Variants in PAPLN observed in about 807,000 individuals in gnomAD.
PAPLN encodes the protein papilin, proteoglycan like sulfated glycoprotein.
A neutral mutation model predicts 159.0 loss-of-function variants in PAPLN; 146 were observed. The ratio of observed to expected loss-of-function variants is 0.92; its 90% CI spans 0.80 to 1.05. The LOEUF (loss-of-function observed/expected upper bound fraction) is 1.05. Among genes scored for constraint, PAPLN ranks in the 50% least tolerant of loss-of-function variants. PAPLN has a pLI of 0.00. For missense variants in PAPLN, 1,720 were observed against 1,743.9 expected (o/e 0.99, Z 0.24); for synonymous variants, 734 against 702.9 (o/e 1.04, Z -0.70).
At chr14:73,239,054 GC>G (rs1014083464) in intron 1 of PAPLN, among the ~76,000 whole-genome samples, 5 of 152,252 alleles carry the variant, frequency 3.3e-5, no homozygotes, top group South Asian at 2.1e-4. Context: ...ACATGGACCC[GC>G]CCCGCACACT....
Position 73,259,550 on chromosome 14 carries a change from G to A in PAPLN, c.1985+5G>A, listed in dbSNP as rs1228855061. ...GGCCCCCTGTCAGCAGAGCAGGTGG[G>A]TGCTGGAGACAGGTCTTCCTCCTCC... On this transcript the variant is annotated splice_donor_5th_base_variant and intron_variant, in intron 16 of 26. Coordinates refer to ENST00000644200, the MANE Select transcript of PAPLN (RefSeq NM_001365906.3). The A allele has an allele frequency of 1.3e-6, 2 of 1,531,554 alleles. No individual in the cohort carries two copies. The highest frequency in any genetic ancestry group is 1.8e-6 in the Non-Finnish European group (2 of 1,138,414). The allele number at this position is 1,531,554 out of a possible 1,614,324, so 94.9% of individuals were successfully genotyped here. A position where few individuals can be genotyped will look rare whatever the true frequency, so the allele number is the denominator to read the frequency against.
At chr14:73,264,444 C>G (rs1887001575) in intron 21 of PAPLN, 109 bp downstream of exon 21, 2 of 1,526,156 alleles carry the variant, frequency 1.3e-6, no homozygotes. Context: ...CCCAGGGTGT[C>G]TCTCTGAGTC....
intron 16 of PAPLN, 28 bp from the exon 17 acceptor site, chr14:73,260,681 A>C: frequency 7.0e-7 from 1 of 1,421,806 alleles, no homozygotes; most frequent in Non-Finnish European, 9.2e-7. Flanking sequence ...CAGGCTGGGC[A>C]GTGAGGGGCT....
intron 2 of PAPLN, chr14:73,243,709 T>C (rs74916401): frequency 0.16 from 24,635 of 152,276 alleles, 2,357 homozygotes; most frequent in South Asian, 0.28. Context: ...GGGTCCAATC[T>C]TTCTGGTGGG....
At chr14:73,249,057 G>A (rs945440099) in intron 5 of PAPLN, among the ~76,000 whole-genome samples, 5 of 152,164 alleles carry the variant, frequency 3.3e-5, no homozygotes, top group South Asian at 4.2e-4. Flanking sequence ...CTTGAGTCTC[G>A]GAGGTAGAGG....
chr14:73,247,267 T>C (rs1256181702), intron 5 of PAPLN, among the ~76,000 whole-genome samples: 1 of 152,204 alleles, frequency 6.6e-6, no homozygotes, highest in Non-Finnish European at 1.5e-5. Context: ...CATTAATTTT[T>C]AGAGAAATAC....
At position 73,239,892 on chromosome 14, in the gene PAPLN, G is replaced by A. The variant is rs1883351195; in HGVS notation, c.54+60G>A. ...CTGCAGGGGAGTCGGGGGCGGGGACGCGCGGGCCCGCAGGCAACGTCCCCA... is the reference window on the plus strand; with the variant it reads ...CTGCAGGGGAGTCGGGGGCGGGGACACGCGGGCCCGCAGGCAACGTCCCCA... On this transcript the variant is annotated intron_variant, in intron 2 of 26. Coordinates refer to ENST00000644200, the MANE Select transcript of PAPLN (RefSeq NM_001365906.3). 5 of 1,490,544 alleles carry A rather than the reference G, an allele frequency of 3.4e-6. No homozygotes were observed. In the African/African-American group the frequency reaches 4.3e-5, roughly 13 times the overall value. The allele number at this position is 1,490,544 out of a possible 1,614,324, so 92.3% of individuals were successfully genotyped here. A position where few individuals can be genotyped will look rare whatever the true frequency, so the allele number is the denominator to read the frequency against.
At position 73,259,240 on chromosome 14, in the gene PAPLN, A is replaced by G. The variant is rs763847288; in HGVS notation, c.1709-29A>G. The stretch of plus-strand genomic sequence containing the variant: ...TGGAGGGGAGGAGCCAGGTGGACGC[A>G]CTGTGTGTCTTTTGCTTCTTCTTTC... On this transcript the variant is annotated intron_variant, in intron 15 of 26. Coordinates refer to ENST00000644200, the MANE Select transcript of PAPLN (RefSeq NM_001365906.3). 38 of 1,533,734 alleles carry G rather than the reference A, an allele frequency of 2.5e-5. No individual in the cohort carries two copies. The South Asian group carries it at 4.6e-4, about 19-fold the overall frequency.
chr14:73,256,910 T>A (rs1292074746), intron 14 of PAPLN, among the ~76,000 whole-genome samples: 2 of 151,712 alleles, frequency 1.3e-5, no homozygotes, highest in Non-Finnish European at 2.9e-5. Flanking sequence ...AAAAAAAAAA[T>A]AATAAAATAA....
intron 5 of PAPLN, among the ~76,000 whole-genome samples, chr14:73,247,282 C>A (rs1359986397): frequency 6.6e-6 from 1 of 152,134 alleles, no homozygotes; most frequent in Admixed American, 6.5e-5. Flanking sequence ...AAATACAGTT[C>A]AGGGAAAAAA....
At chr14:73,238,768 G>A (rs3742825) in intron 1 of PAPLN, among the ~76,000 whole-genome samples, 33,985 of 152,204 alleles carry the variant, frequency 0.22, 3,994 homozygotes, top group East Asian at 0.43. Context: ...ACATTGTTCA[G>A]TATGCCAGGT....
rs977775639 is a variant in PAPLN at position 73,249,860 on chromosome 14, G to A, written c.335-124G>A. 8.0e-6 allele frequency: 9 copies of A among 1,130,306 alleles called. No individual in the cohort carries two copies. In the African/African-American group the frequency reaches 1.3e-4, roughly 16 times the overall value. 70.0% of individuals were successfully genotyped at this position (1,130,306 alleles called of 1,614,324 possible). ...TCCTGGGGATGGGGCGGGGATCTGT[G>A]CTCTGCGGGGCCTGCTGCAGGGCTT... On this transcript the variant is annotated intron_variant, in intron 5 of 26. Coordinates refer to ENST00000644200, the MANE Select transcript of PAPLN (RefSeq NM_001365906.3).
intron 19 of PAPLN, 134 bp from the exon 20 acceptor site, chr14:73,263,511 A>C: frequency 8.6e-7 from 1 of 1,166,492 alleles, no homozygotes; most frequent in East Asian, 2.4e-5. Flanking sequence ...TCTGCCTCCC[A>C]TAGGGACCCT....
intron 10 of PAPLN, 82 bp downstream of exon 10, chr14:73,252,223 C>G (rs969982668): frequency 6.8e-6 from 10 of 1,468,626 alleles, no homozygotes; most frequent in Admixed American, 4.6e-5. Context: ...TCACAGCCCT[C>G]TCCTCAAGGC....
intron 26 of PAPLN, 116 bp downstream of exon 26, chr14:73,268,839 A>G: frequency 7.9e-7 from 1 of 1,264,746 alleles, no homozygotes; most frequent in South Asian, 1.7e-5. Context: ...TCACCCTGCC[A>G]GTTGCTGGTA....
chr14:73,241,664 G>T (rs2066865741), intron 2 of PAPLN, among the ~76,000 whole-genome samples: 2 of 152,236 alleles, frequency 1.3e-5, no homozygotes, highest in Admixed American at 1.3e-4. Context: ...AGGGGGTGTG[G>T]CCCCGCTCAC....
Position 73,265,131 on chromosome 14 carries a change from T to G in PAPLN, c.3126-239T>G, listed in dbSNP as rs1270808384. ...GGTGACAGATGGGGATCCTGGCTGG[T>G]GGGTGTGTCTGGCCAGCTGTGGTGG... On this transcript the variant is annotated intron_variant, in intron 22 of 26. Transcript: ENST00000644200. This position sits in a 1 kb window ranked among gnomAD's most constrained non-coding sequence, Gnocchi z 4.1. Among the ~76,000 whole-genome samples the G allele has an allele frequency of 6.6e-6, 1 of 151,644 alleles. No individual in the cohort carries two copies. The highest frequency in any genetic ancestry group is 1.9e-4 in the East Asian group (1 of 5,160).
intron 20 of PAPLN, 166 bp downstream of exon 20, chr14:73,263,948 G>T: frequency 6.8e-7 from 1 of 1,474,538 alleles, no homozygotes; most frequent in South Asian, 1.2e-5. Context: ...ACAGGTGTGT[G>T]TGACGGCCCC....
At chr14:73,266,401 A>G in intron 23 of PAPLN, 100 bp from the exon 24 acceptor site, 1 of 1,420,702 alleles carries the variant, frequency 7.0e-7, no homozygotes. Flanking sequence ...GGGACCTAGA[A>G]GACCTTGTGT....
Sources: gnomAD v4.1 joint callset for allele counts (sites outside exome capture counted in the v4.1 genomes callset) on GRCh38, gnomAD v4.1.1 for gene constraint, Gnocchi (gnomAD v3.1) non-coding constraint, MANE v1.5 for transcripts, NCBI Gene and HGNC (gene_info 2026-07-23, HGNC 2026-07-21) for gene names.